CDH22: variants seen among roughly 807,000 people sequenced by gnomAD.
CDH22 encodes the protein cadherin-22.
Under a neutral mutation model 58.4 loss-of-function variants are expected in CDH22, and 30 were observed. The observed-to-expected ratio is 0.51, with a 90% CI of 0.38 to 0.70. The LOEUF (loss-of-function observed/expected upper bound fraction) is 0.70. Ranked by LOEUF, CDH22 falls within the 30% of genes least tolerant of loss-of-function variation. The probability of loss-of-function intolerance (pLI) is 0.00; values close to 1 mark genes in which losing one functional copy is unlikely to be tolerated. For missense variants in CDH22, 1,014 were observed against 1,233.9 expected, an observed-to-expected ratio of 0.82 and a Z score of 2.67; for synonymous variants, 513 against 558.2, an observed-to-expected ratio of 0.92 and a Z score of 1.14.
chr20:46,280,423 T>TAAC (rs2086545095), intron 1 of CDH22, among the ~76,000 whole-genome samples: 2 of 152,152 alleles, frequency 1.3e-5, no homozygotes, highest in South Asian at 2.1e-4. Flanking sequence ...CTGAGGACAA[T>TAAC]AACAACAACA....
Position 46,212,990 on chromosome 20 carries a change from T to G in CDH22, c.1032+5A>C. The G allele has an allele frequency of 6.2e-7, 1 of 1,613,566 alleles. No homozygotes were observed. Among genetic ancestry groups the G allele is most frequent in the South Asian group, 1.1e-5 (1 of 91,062 alleles). On this transcript the variant is annotated splice_donor_5th_base_variant and intron_variant, in intron 6 of 11. Coordinates refer to ENST00000537909, the MANE Select transcript of CDH22 (RefSeq NM_021248.3). Reference sequence around the variant, plus strand: ...CCTCCCCCATTCCTCCTGAGGCAGCTGCACCTTCTGCACTACGATGATGGC... The same window carrying G: ...CCTCCCCCATTCCTCCTGAGGCAGCGGCACCTTCTGCACTACGATGATGGC...
rs1369303715 is a variant in CDH22 at position 46,300,345 on chromosome 20, C to T, written c.-400+7910G>A. Among the ~76,000 whole-genome samples, 1 of 152,132 alleles carries T rather than the reference C, an allele frequency of 6.6e-6. No individual in the cohort carries two copies. Among genetic ancestry groups the T allele is most frequent in the Admixed American group, 6.5e-5 (1 of 15,282 alleles). ...TGTCTGGTTACCTGAGTCTGTCTGGCTTGTCACCTACCCATCATCTTGTCT... is the reference window on the plus strand; with the variant it reads ...TGTCTGGTTACCTGAGTCTGTCTGGTTTGTCACCTACCCATCATCTTGTCT... On this transcript the variant is annotated intron_variant, in intron 1 of 11. Transcript: ENST00000537909. The surrounding 1 kb of genome is among the most constrained non-coding windows in gnomAD (Gnocchi z 4.4).
chr20:46,295,398 C>T (rs2086624950), intron 1 of CDH22, among the ~76,000 whole-genome samples: 1 of 152,218 alleles, frequency 6.6e-6, no homozygotes, highest in Admixed American at 6.5e-5. Context: ...GTTCCCGAAT[C>T]CCTCATCACA....
intron 1 of CDH22, among the ~76,000 whole-genome samples, chr20:46,258,226 G>A (rs2086415800): frequency 6.6e-6 from 1 of 152,126 alleles, no homozygotes; most frequent in Admixed American, 6.5e-5. Flanking sequence ...AGGAGGGAAG[G>A]TGGGGACATG....
chr20:46,306,617 A>G (rs2086679171), intron 1 of CDH22, among the ~76,000 whole-genome samples: 1 of 152,194 alleles, frequency 6.6e-6, no homozygotes, highest in Admixed American at 6.5e-5. Flanking sequence ...AGTGTCCCAG[A>G]CACTGGGACA....
intron 1 of CDH22, among the ~76,000 whole-genome samples, chr20:46,307,281 C>T (rs1202247626): frequency 6.6e-6 from 1 of 152,238 alleles, no homozygotes; most frequent in Non-Finnish European, 1.5e-5. Flanking sequence ...ATCAGCCCTA[C>T]CCTCTGCAGC....
intron 8 of CDH22, among the ~76,000 whole-genome samples, chr20:46,191,286 G>A (rs993382907): frequency 6.6e-6 from 1 of 152,208 alleles, no homozygotes; most frequent in African/African-American, 2.4e-5. Context: ...GTCTCAGGCA[G>A]TGGGATCAGC....
Position 46,304,036 on chromosome 20 carries a change from G to C in CDH22, c.-400+4219C>G, listed in dbSNP as rs953656558. ...GAGAGGGGAGAAAAGGTAGAGATTA[G>C]GATGAAATGAATCTGTGGGACTCTA... is the stretch of plus-strand genomic sequence containing the variant. On this transcript the variant is annotated intron_variant, in intron 1 of 11. Transcript: ENST00000537909. Among the ~76,000 whole-genome samples the C allele has an allele frequency of 3.9e-5, 6 of 152,238 alleles. No homozygotes were observed. In the East Asian group the frequency reaches 1.2e-3, roughly 29 times the overall value.
At chr20:46,275,189 C>T (rs1177365288) in intron 1 of CDH22, among the ~76,000 whole-genome samples, 1 of 152,174 alleles carries the variant, frequency 6.6e-6, no homozygotes, top group African/African-American at 2.4e-5. Flanking sequence ...CCCCTGTGGC[C>T]CCTCTCACCC....
intron 4 of CDH22, among the ~76,000 whole-genome samples, chr20:46,223,160 A>G (rs2086138616): frequency 6.6e-6 from 1 of 151,786 alleles, no homozygotes; most frequent in Non-Finnish European, 1.5e-5. Flanking sequence ...TCACTTTCTG[A>G]CCTCTTGGGA....
chr20:46,174,718 C>T lies in CDH22; in HGVS notation c.2275G>A (p.Asp759Asn). 1 of 1,555,940 alleles carries T rather than the reference C, an allele frequency of 6.4e-7. No homozygotes were observed. The highest frequency in any genetic ancestry group is 2.3e-5 in the East Asian group (1 of 42,894). Residue 759 changes from aspartate (D) to asparagine (N), a missense_variant, in exon 12 of 12, where the codon GAC (aspartate) becomes AAC (asparagine). Around this residue, in one of 2 missense-constraint regions of CDH22, gnomAD observed 208 missense variants for 195.2 expected, o/e 1.07. Transcript: ENST00000537909. This position sits in a 1 kb window ranked among gnomAD's most constrained non-coding sequence, Gnocchi z 4.4. ...TAGGGCGGCACCGACAGGTCCCCGT[C>T]CGCCAGTGCCACCTTGCGGCTGATG... Reference protein sequence around the residue: ...DFISRKVALADGDLSVPPYDA... With the variant: ...DFISRKVALANGDLSVPPYDA...
chr20:46,186,929 G>C lies in CDH22; in HGVS notation c.1442C>G (p.Ser481Cys), dbSNP rs2085830722. The part of the protein sequence containing the change: ...AMEADNHAQL[S>C]RASLRIRILD... The stretch of plus-strand genomic sequence containing the variant: ...GATTCGGATCCTTAGGGATGCCCGG[G>C]ATAGCTGTGCATGATTGTCTGTAAT... The change falls in exon 9 of 12, where the codon TCC becomes TGC. Residue 481 changes from serine to cysteine, a missense_variant. Ser to Cys is a moderately radical substitution (Grantham distance 112, BLOSUM62 -1). Transcript: ENST00000537909. The C allele has an allele frequency of 6.2e-7, 1 of 1,603,216 alleles. No individual in the cohort carries two copies. The highest frequency in any genetic ancestry group is 1.1e-5 in the South Asian group (1 of 88,644).
At chr20:46,183,270 C>A (rs1034879150) in intron 10 of CDH22, among the ~76,000 whole-genome samples, 1 of 152,202 alleles carries the variant, frequency 6.6e-6, no homozygotes, top group Non-Finnish European at 1.5e-5. Flanking sequence ...TTTCCCCAGG[C>A]AGCCTCCCAA....
Position 46,210,265 on chromosome 20 carries a change from G to T in CDH22, c.1286+42C>A, listed in dbSNP as rs2145686871. On this transcript the variant is annotated intron_variant, in intron 7 of 11. Transcript: ENST00000537909. The surrounding 1 kb of genome is among the most constrained non-coding windows in gnomAD (Gnocchi z 4.5). ...CAGTCTGTCCGCGGGGGTGATGGCG[G>T]GATAGCAGGCAGCAGGCGTCGGCCC... is the stretch of plus-strand genomic sequence containing the variant. The T allele has an allele frequency of 1.5e-6, 2 of 1,369,570 alleles. No individual in the cohort carries two copies. Among genetic ancestry groups the T allele is most frequent in the East Asian group, 3.1e-5 (1 of 32,132 alleles). 84.8% of individuals were successfully genotyped at this position (1,369,570 alleles called of 1,614,324 possible). A position where few individuals can be genotyped will look rare whatever the true frequency, so the allele number is the denominator to read the frequency against.
rs201681278 is a variant in CDH22, at chr20:46,223,756, T to TTTTC, written c.670+3748_670+3751dup. 9.3e-4 allele frequency among the ~76,000 whole-genome samples: 139 copies of TTTTC among 148,896 alleles called. 1 individual carries two copies. Among genetic ancestry groups the TTTTC allele is most frequent in the African/African-American group, 3.0e-3 (120 of 40,474 alleles). ...TTCTTTCTTTCTCTTTCCTCTTTCT[T>TTTTC]TTTCTTTCTTTCTTTCTTTCCTCTC... On this transcript the variant is annotated intron_variant, in intron 4 of 11. Transcript: ENST00000537909.
intron 1 of CDH22, among the ~76,000 whole-genome samples, chr20:46,274,517 G>A (rs543756444): frequency 6.6e-6 from 1 of 152,288 alleles, no homozygotes; most frequent in Admixed American, 6.5e-5. Flanking sequence ...AAACAGTTTG[G>A]TAGTTTCTTT....
chr20:46,240,297 C>T (rs905053430), intron 3 of CDH22, among the ~76,000 whole-genome samples: 4 of 151,966 alleles, frequency 2.6e-5, no homozygotes, highest in African/African-American at 4.8e-5. Flanking sequence ...GCACTATCTG[C>T]GTAAGGGCCT....
At chr20:46,190,305 G>A (rs879658750) in intron 8 of CDH22, among the ~76,000 whole-genome samples, 13 of 152,254 alleles carry the variant, frequency 8.5e-5, no homozygotes, top group Non-Finnish European at 1.6e-4. Context: ...GGAGGGGCAG[G>A]AGTTTCCCCA....
intron 4 of CDH22, among the ~76,000 whole-genome samples, chr20:46,218,313 ACT>A (rs1283584819): frequency 6.6e-6 from 1 of 151,886 alleles, no homozygotes; most frequent in Non-Finnish European, 1.5e-5. Context: ...CAACTGTGTG[ACT>A]CCCCTGGGCA....
Sources: gnomAD v4.1 joint callset for allele counts (sites outside exome capture counted in the v4.1 genomes callset) on GRCh38, gnomAD v4.1.1 for gene constraint, gnomAD v4.1.1 regional missense constraint, Gnocchi (gnomAD v3.1) non-coding constraint, MANE v1.5 for transcripts, NCBI Gene and HGNC (gene_info 2026-07-23, HGNC 2026-07-21) for gene names.